The following TOX variants were observed in gnomAD, a reference collection of about 807,000 sequenced individuals.
The protein encoded by TOX is thymocyte selection-associated high mobility group box protein TOX.
TOX carries 11 observed loss-of-function variants against 53.7 expected under a neutral mutation model. The ratio of observed to expected loss-of-function variants is 0.20; its 90% CI spans 0.13 to 0.34. TOX has a LOEUF of 0.34. Ranked by LOEUF, TOX falls within the 10% of genes least tolerant of loss-of-function variation. The probability of loss-of-function intolerance (pLI) is 1.00; values close to 1 mark genes in which losing one functional copy is unlikely to be tolerated. For synonymous variants in TOX, 225 were observed against 245.3 expected (o/e 0.92, Z 0.77); for missense variants, 570 against 664.6 (o/e 0.86, Z 1.56).
intron 1 of TOX, among the ~76,000 whole-genome samples, chr8:59,100,129 A>G (rs1804781929): frequency 7.0e-6 from 1 of 142,270 alleles, no homozygotes; most frequent in Admixed American, 6.9e-5. Flanking sequence ...TTCAGGGAAA[A>G]GGAGCTCTAC....
chr8:59,118,825 G>T lies in TOX; in HGVS notation c.102+61C>A. On this transcript the variant is annotated intron_variant, in intron 1 of 8. Transcript: ENST00000361421. This position sits in a 1 kb window ranked among gnomAD's most constrained non-coding sequence, Gnocchi z 4.1. ...CCGGCCCCGCCGCGGCCCGGCCACC[G>T]CCGCTCCCCTCCCAGGATCAAGCAG... The T allele has an allele frequency of 7.2e-7, 1 of 1,393,748 alleles. No individual in the cohort carries two copies. Among genetic ancestry groups the T allele is most frequent in the Non-Finnish European group, 9.7e-7 (1 of 1,026,430 alleles). The allele number at this position is 1,393,748 out of a possible 1,614,324, so 86.3% of individuals were successfully genotyped here. A position where few individuals can be genotyped will look rare whatever the true frequency, so the allele number is the denominator to read the frequency against.
intron 1 of TOX, among the ~76,000 whole-genome samples, chr8:58,960,453 A>T (rs1369708682): frequency 6.6e-6 from 1 of 152,238 alleles, no homozygotes; most frequent in East Asian, 1.9e-4. Context: ...AAAAAGAAAA[A>T]GTGCAGAGTT....
intron 1 of TOX, among the ~76,000 whole-genome samples, chr8:59,015,703 C>A (rs1360227214): frequency 6.6e-6 from 1 of 151,910 alleles, no homozygotes; most frequent in African/African-American, 2.4e-5. Flanking sequence ...GCTGACTAAC[C>A]CTGAAATAAA....
At chr8:59,111,085 T>C (rs1805009212) in intron 1 of TOX, among the ~76,000 whole-genome samples, 1 of 152,194 alleles carries the variant, frequency 6.6e-6, no homozygotes, top group Admixed American at 6.5e-5. Context: ...TTAAAGGTTT[T>C]AGTGTCAGAA....
chr8:58,903,157 C>T (rs1436417768), intron 3 of TOX, among the ~76,000 whole-genome samples: 1 of 152,154 alleles, frequency 6.6e-6, no homozygotes, highest in African/African-American at 2.4e-5. Flanking sequence ...TTAAGAACTG[C>T]AGAATTAACA....
chr8:58,895,676 G>C (rs768162668), intron 3 of TOX, among the ~76,000 whole-genome samples: 10 of 152,288 alleles, frequency 6.6e-5, no homozygotes, highest in Admixed American at 5.2e-4. Flanking sequence ...GGCGTCATAG[G>C]CTTCTGTTCT....
chr8:59,050,059 C>T (rs1482383212), intron 1 of TOX, among the ~76,000 whole-genome samples: 1 of 152,166 alleles, frequency 6.6e-6, no homozygotes, highest in Non-Finnish European at 1.5e-5. Context: ...AGATTCTTTT[C>T]AAGTGAGGTT....
chr8:58,895,117 G>A (rs982444187), intron 3 of TOX, among the ~76,000 whole-genome samples: 1 of 152,210 alleles, frequency 6.6e-6, no homozygotes, highest in East Asian at 1.9e-4. Context: ...CAACCGGGGA[G>A]GGGGAGGTTG....
intron 3 of TOX, among the ~76,000 whole-genome samples, chr8:58,935,812 A>G (rs1378485359): frequency 6.6e-6 from 1 of 152,258 alleles, no homozygotes; most frequent in Non-Finnish European, 1.5e-5. Context: ...AAGTGTGATG[A>G]GCAAATTTAA....
intron 7 of TOX, among the ~76,000 whole-genome samples, chr8:58,810,757 CAT>C (rs1285276051): frequency 6.6e-6 from 1 of 151,938 alleles, no homozygotes; most frequent in African/African-American, 2.4e-5. Flanking sequence ...AGCGTGGAAA[CAT>C]ATGAAAAAGC....
chr8:58,912,314 C>T (rs758569058), intron 3 of TOX, among the ~76,000 whole-genome samples: 1 of 152,196 alleles, frequency 6.6e-6, no homozygotes, highest in Non-Finnish European at 1.5e-5. Context: ...TAACTGAAGA[C>T]CCAATTCAAT....
chr8:58,980,904 A>G (rs2129416761), intron 1 of TOX, among the ~76,000 whole-genome samples: 1 of 152,238 alleles, frequency 6.6e-6, no homozygotes, highest in South Asian at 2.1e-4. Context: ...GCCATTCTCA[A>G]TTAATTCCTC....
intron 5 of TOX, among the ~76,000 whole-genome samples, chr8:58,832,429 T>C (rs1425141425): frequency 2.0e-5 from 3 of 152,072 alleles, no homozygotes; most frequent in African/African-American, 7.2e-5. Context: ...TAAACACATG[T>C]GTGAATGTTA....
intron 1 of TOX, among the ~76,000 whole-genome samples, chr8:59,064,992 C>T (rs1804061776): frequency 6.6e-6 from 1 of 152,070 alleles, no homozygotes; most frequent in South Asian, 2.1e-4. Flanking sequence ...CTGAGGCTTC[C>T]CAATTCACAT....
chr8:58,923,819 G>T (rs1472849670), intron 3 of TOX, among the ~76,000 whole-genome samples: 1 of 152,140 alleles, frequency 6.6e-6, no homozygotes, highest in Non-Finnish European at 1.5e-5. Flanking sequence ...CCCAGTTGTA[G>T]GCCTAATTAT....
intron 3 of TOX, among the ~76,000 whole-genome samples, chr8:58,901,049 T>C (rs923852809): frequency 3.3e-5 from 5 of 152,140 alleles, no homozygotes; most frequent in Non-Finnish European, 7.4e-5. Context: ...CCATTCTTAA[T>C]TAGAAACCAG....
chr8:58,893,309 A>G (rs893722944), intron 3 of TOX, among the ~76,000 whole-genome samples: 1 of 152,156 alleles, frequency 6.6e-6, no homozygotes, highest in African/African-American at 2.4e-5. Flanking sequence ...AGAAGATAAT[A>G]TTTCTTTCTT....
intron 1 of TOX, among the ~76,000 whole-genome samples, chr8:59,053,260 CCTTT>C (rs1216628649): frequency 6.6e-6 from 1 of 152,092 alleles, no homozygotes; most frequent in Non-Finnish European, 1.5e-5. Context: ...ATCTTCTGAC[CCTTT>C]CTATCTTTTA....
chr8:58,835,260 CTACAAAAGAGAAACA>C (rs1810526374), intron 5 of TOX, among the ~76,000 whole-genome samples: 1 of 152,158 alleles, frequency 6.6e-6, no homozygotes, highest in East Asian at 1.9e-4. Flanking sequence ...CATATGAAAC[CTACAAAAGAGAAACA>C]TACAAAAGAG....
Sources: gnomAD v4.1 joint callset for allele counts (sites outside exome capture counted in the v4.1 genomes callset) on GRCh38, gnomAD v4.1.1 for gene constraint, Gnocchi (gnomAD v3.1) non-coding constraint, MANE v1.5 for transcripts, NCBI Gene and HGNC (gene_info 2026-07-23, HGNC 2026-07-21) for gene names.